Variants in KCNIP1 observed in about 807,000 individuals in gnomAD.
The protein encoded by KCNIP1 is A-type potassium channel modulatory protein KCNIP1.
A neutral mutation model predicts 33.0 loss-of-function variants in KCNIP1; 18 were observed. The observed-to-expected ratio is 0.55, with a 90% CI of 0.38 to 0.81. The LOEUF is 0.81. Ranked by LOEUF, KCNIP1 falls within the 30% of genes least tolerant of loss-of-function variation. KCNIP1 has a pLI of 0.00. For synonymous variants in KCNIP1, 93 were observed against 98.3 expected (o/e 0.95, Z 0.32); for missense variants, 238 against 271.6 (o/e 0.88, Z 0.87).
At chr5:170,669,577 T>G in intron 1 of KCNIP1, 2 of 985,322 alleles carry the variant, frequency 2.0e-6, no homozygotes, top group Non-Finnish European at 2.4e-6. Context: ...CAGCAGGGGA[T>G]GGAGTGAGTG....
chr5:170,636,027 C>T (rs915254109), intron 1 of KCNIP1, among the ~76,000 whole-genome samples: 9 of 152,184 alleles, frequency 5.9e-5, no homozygotes, highest in Admixed American at 4.6e-4. Context: ...GATGTGACTC[C>T]GATGTGACAT....
intron 1 of KCNIP1, among the ~76,000 whole-genome samples, chr5:170,622,374 C>T (rs936469905): frequency 6.6e-6 from 1 of 152,130 alleles, no homozygotes; most frequent in Non-Finnish European, 1.5e-5. Flanking sequence ...GTAATCCCAG[C>T]ACTTTGGGAG....
intron 1 of KCNIP1, among the ~76,000 whole-genome samples, chr5:170,360,580 G>T (rs559357558): frequency 6.6e-5 from 10 of 152,320 alleles, no homozygotes; most frequent in Non-Finnish European, 1.0e-4. Context: ...GCCTCTGTGG[G>T]TCAAGTCCTC....
chr5:170,546,328 AT>A (rs1234948911), intron 1 of KCNIP1, among the ~76,000 whole-genome samples: 1 of 152,166 alleles, frequency 6.6e-6, no homozygotes, highest in Non-Finnish European at 1.5e-5. Context: ...TTTAGCAGAA[AT>A]TTCATTCCAA....
rs1439970237 is a variant in KCNIP1 at position 170,732,855 on chromosome 5, C to T, written c.491C>T (p.Pro164Leu). 1 of 1,613,708 alleles carries T rather than the reference C, an allele frequency of 6.2e-7. No individual in the cohort carries two copies. Among genetic ancestry groups the T allele is most frequent in the Non-Finnish European group, 8.5e-7 (1 of 1,179,806 alleles). ...IYDMMGKYTY[P>L]VLKEDTPRQH... ...GACATGATGGGGAAATACACATATC[C>T]TGTGCTCAAAGAGGACACTCCAAGG... Residue 164 changes from proline to leucine, a missense_variant, in exon 6 of 8, where the codon CCT becomes CTT. Transcript: ENST00000328939.
chr5:170,702,346 C>T (rs534710270), intron 1 of KCNIP1, among the ~76,000 whole-genome samples: 38 of 152,326 alleles, frequency 2.5e-4, no homozygotes, highest in African/African-American at 8.9e-4. Flanking sequence ...CCAGTTCCCT[C>T]CCTGGGCCCC....
At chr5:170,714,236 G>A (rs952252848) in intron 1 of KCNIP1, among the ~76,000 whole-genome samples, 7 of 152,178 alleles carry the variant, frequency 4.6e-5, no homozygotes, top group African/African-American at 7.2e-5. Flanking sequence ...CAGCTTCGTA[G>A]GAGCATGTGT....
chr5:170,707,365 G>A (rs1763292889), intron 1 of KCNIP1, among the ~76,000 whole-genome samples: 1 of 152,150 alleles, frequency 6.6e-6, no homozygotes, highest in African/African-American at 2.4e-5. Flanking sequence ...ACATGGCCTT[G>A]CTCCTTGTCC....
At chr5:170,357,477 C>T (rs1217839505) in intron 1 of KCNIP1, among the ~76,000 whole-genome samples, 1 of 152,224 alleles carries the variant, frequency 6.6e-6, no homozygotes, top group Non-Finnish European at 1.5e-5. Context: ...CTAAGAGCAA[C>T]ATCTCATGAT....
chr5:170,668,228 C>T (rs1413238625), intron 1 of KCNIP1, among the ~76,000 whole-genome samples: 1 of 152,220 alleles, frequency 6.6e-6, no homozygotes, highest in South Asian at 2.1e-4. Context: ...TGCAGCCAGG[C>T]TCCTGGCCAG....
At chr5:170,528,447 C>T (rs919448535) in intron 1 of KCNIP1, among the ~76,000 whole-genome samples, 1 of 152,186 alleles carries the variant, frequency 6.6e-6, no homozygotes, top group African/African-American at 2.4e-5. Flanking sequence ...AGAATGGGCT[C>T]TCCTGCATGG....
intron 1 of KCNIP1, among the ~76,000 whole-genome samples, chr5:170,548,019 C>A (rs1400502670): frequency 6.6e-6 from 1 of 152,178 alleles, no homozygotes; most frequent in African/African-American, 2.4e-5. Flanking sequence ...TTCTGCACAA[C>A]CTCGCCAGCA....
At position 170,359,593 on chromosome 5, in the gene KCNIP1, A is replaced by G. The variant is rs950080638; in HGVS notation, c.88+5629A>G. 4.6e-5 allele frequency among the ~76,000 whole-genome samples: 7 copies of G among 152,328 alleles called. No individual in the cohort carries two copies. In the East Asian group the frequency reaches 1.4e-3, roughly 29 times the overall value. On this transcript the variant is annotated intron_variant, in intron 1 of 7. Coordinates refer to the KCNIP1 transcript ENST00000377360. The stretch of plus-strand genomic sequence containing the variant: ...TGCAACCCTGGAACCTCTGAGTGCC[A>G]GTGCTTTGTCACAGGAAGAAAGTTT...
chr5:170,610,654 T>C (rs781179264), intron 1 of KCNIP1, among the ~76,000 whole-genome samples: 2 of 152,220 alleles, frequency 1.3e-5, no homozygotes, highest in Non-Finnish European at 2.9e-5. Flanking sequence ...AGTTTCTTCA[T>C]GTATAAGAGG....
chr5:170,720,280 G>A (rs1210025451), intron 2 of KCNIP1, 41 bp from the exon 3 acceptor site: 13 of 1,443,880 alleles, frequency 9.0e-6, no homozygotes, highest in African/African-American at 4.2e-5. Flanking sequence ...CCTAGTGCTG[G>A]CCCTCAAATG....
rs148062819 is a variant in KCNIP1, at chr5:170,691,509, G to T, written c.62-27249G>T. On this transcript the variant is annotated intron_variant, in intron 1 of 7. Coordinates refer to ENST00000328939, the MANE Select transcript of KCNIP1 (RefSeq NM_014592.4). ...GAGAGTTAGTTTCCTCATCTATAAA[G>T]TGGGGTAATATAACCCACCTTGCAG... Among the ~76,000 whole-genome samples, 328 of 152,264 alleles carry T rather than the reference G, an allele frequency of 2.2e-3. 1 individual carries two copies. The highest frequency in any genetic ancestry group is 7.6e-3 in the African/African-American group (317 of 41,554).
At chr5:170,507,946 C>T (rs990831468) in intron 1 of KCNIP1, among the ~76,000 whole-genome samples, 30 of 152,218 alleles carry the variant, frequency 2.0e-4, no homozygotes, top group Non-Finnish European at 8.8e-5. Context: ...GAATTTCTGA[C>T]TCTAGCAGTT....
intron 1 of KCNIP1, among the ~76,000 whole-genome samples, chr5:170,554,497 G>A (rs1198030850): frequency 6.6e-6 from 1 of 152,204 alleles, no homozygotes; most frequent in African/African-American, 2.4e-5. Context: ...GCAAGCGAGG[G>A]AGCAGCTCTT....
chr5:170,531,483 T>C (rs1342573212), intron 1 of KCNIP1, among the ~76,000 whole-genome samples: 1 of 152,140 alleles, frequency 6.6e-6, no homozygotes, highest in Non-Finnish European at 1.5e-5. Context: ...CCTACTTCAA[T>C]TGCATGAGAT....
Sources: allele counts gnomAD v4.1 joint callset (sites outside exome capture counted in the v4.1 genomes callset), GRCh38; gene constraint gnomAD v4.1.1; transcripts MANE v1.5; gene names NCBI Gene and HGNC (gene_info 2026-07-23, HGNC 2026-07-21).